SLC7A11: variants seen among roughly 807,000 people sequenced by gnomAD.
The protein encoded by SLC7A11 is cystine/glutamate transporter.
In SLC7A11, 35 loss-of-function variants were observed where a neutral mutation model predicts 54.5. That is an observed-to-expected ratio of 0.64 (90% CI 0.49 to 0.85). The LOEUF (loss-of-function observed/expected upper bound fraction) is 0.85, where lower values mean the gene tolerates loss of function less well. Ranked by LOEUF, SLC7A11 falls within the 40% of genes least tolerant of loss-of-function variation. SLC7A11 has a pLI of 0.00. For missense variants in SLC7A11, 583 were observed against 618.1 expected, an observed-to-expected ratio of 0.94 and a Z score of 0.60; for synonymous variants, 230 against 225.2, an observed-to-expected ratio of 1.02 and a Z score of -0.19.
In SLC7A11 at chr4:138,179,315, C is replaced by T; in HGVS notation, c.1346G>A (p.Ser449Asn). Reference protein sequence around the residue: ...VALSLYSDPFSTGIGFVITLT... With the variant: ...VALSLYSDPFNTGIGFVITLT... ...AGTGATGACGAAGCCAATCCCTGTA[C>T]TAAATGGGTCCGAATAGAGGGAAAG... The change falls in exon 11 of 12, where the codon AGT (serine) becomes AAT (asparagine). Residue 449 changes from serine to asparagine, a missense_variant. Coordinates refer to ENST00000280612, the MANE Select transcript of SLC7A11 (RefSeq NM_014331.4). 6.2e-7 allele frequency: 1 copy of T among 1,612,580 alleles called. No individual in the cohort carries two copies. The highest frequency in any genetic ancestry group is 2.2e-5 in the East Asian group (1 of 44,780).
intron 3 of SLC7A11, among the ~76,000 whole-genome samples, chr4:138,226,293 G>T (rs187280554): frequency 8.0e-4 from 121 of 152,200 alleles, no homozygotes; most frequent in African/African-American, 2.6e-3. Flanking sequence ...CAATCCCATT[G>T]CTGGGTACTT....
chr4:138,165,252 G>A lies in SLC7A11; in HGVS notation c.*6704C>T, dbSNP rs1395674308. 1.3e-5 allele frequency: 2 copies of A among 152,534 alleles called. No homozygotes were observed. The highest frequency in any genetic ancestry group is 3.8e-4 in the East Asian group (2 of 5,196). 9.4% of individuals were successfully genotyped at this position (152,534 alleles called of 1,614,324 possible). On this transcript the variant is annotated 3_prime_UTR_variant, in exon 12 of 12. Coordinates refer to ENST00000280612, the MANE Select transcript of SLC7A11 (RefSeq NM_014331.4). ...AGATTCATCCTGAGATGAATTCTGAGTCAATAACTAAAAACCATTTCTACC... is the reference window on the plus strand; with the variant it reads ...AGATTCATCCTGAGATGAATTCTGAATCAATAACTAAAAACCATTTCTACC...
In SLC7A11 at chr4:138,167,109, A is replaced by G. The variant is rs1023498807; in HGVS notation, c.*4847T>C. The G allele has an allele frequency of 2.0e-5, 3 of 150,904 alleles. No homozygotes were observed. The highest frequency in any genetic ancestry group is 4.4e-5 in the Non-Finnish European group (3 of 67,698). The allele number at this position is 150,904 out of a possible 1,614,324, so 9.3% of individuals were successfully genotyped here. ...AGTACTAATAAACTAAGGATGACCT[A>G]GAGAGCATACCTTTAGCTATTATTT... On this transcript the variant is annotated 3_prime_UTR_variant, in exon 12 of 12. Coordinates refer to ENST00000280612, the MANE Select transcript of SLC7A11 (RefSeq NM_014331.4).
chr4:138,228,828 A>T (rs1180649175), intron 3 of SLC7A11, among the ~76,000 whole-genome samples: 1 of 151,722 alleles, frequency 6.6e-6, no homozygotes, highest in Non-Finnish European at 1.5e-5. Context: ...AGAGCAGCCA[A>T]ATGCAAATCT....
At position 138,179,266 on chromosome 4, in the gene SLC7A11, A is replaced by G. The variant is rs565105913; in HGVS notation, c.1395T>C (p.Tyr465=). Residue 465 remains tyrosine (Y), a synonymous_variant, in exon 11 of 12, where the codon TAT becomes TAC. Coordinates refer to ENST00000280612, the MANE Select transcript of SLC7A11 (RefSeq NM_014331.4). ...GTTTCTTGTCCCATATAATAAAGAG[A>G]TAATACGCAGGGACTCCAGTCAGAG... ...VITLTGVPAY[Y]LFIIWDKKPR... is the part of the protein sequence containing the mutation. 82 of 1,612,422 alleles carry G rather than the reference A, an allele frequency of 5.1e-5. No homozygotes were observed. The highest frequency in any genetic ancestry group is 3.3e-4 in the Middle Eastern group (2 of 6,062).
intron 6 of SLC7A11, among the ~76,000 whole-genome samples, chr4:138,201,445 T>G (rs1321901007): frequency 6.6e-6 from 1 of 152,064 alleles, no homozygotes; most frequent in Non-Finnish European, 1.5e-5. Flanking sequence ...AGGAAAACCA[T>G]GTGATTTAAA....
intron 6 of SLC7A11, among the ~76,000 whole-genome samples, chr4:138,196,320 T>A (rs1737130442): frequency 6.6e-6 from 1 of 152,072 alleles, no homozygotes; most frequent in Non-Finnish European, 1.5e-5. Flanking sequence ...ACAAACAGGG[T>A]GTGAGTGCCA....
chr4:138,237,724 TATATATATATA>T (rs1738257735), intron 1 of SLC7A11, among the ~76,000 whole-genome samples: 2 of 10,410 alleles, frequency 1.9e-4, no homozygotes, highest in Non-Finnish European at 3.7e-4. Context: ...TATATATATA[TATATATATATA>T]TATTTTTTTT....
chr4:138,194,505 C>T (rs6843843), intron 6 of SLC7A11, among the ~76,000 whole-genome samples: 6 of 152,134 alleles, frequency 3.9e-5, no homozygotes, highest in Non-Finnish European at 8.8e-5. Context: ...CTCAGGGACT[C>T]TCTGCCCAAG....
intron 11 of SLC7A11, chr4:138,174,847 G>C (rs576432187): frequency 3.9e-5 from 6 of 152,238 alleles, no homozygotes; most frequent in African/African-American, 1.4e-4. Context: ...TTCATGTTCA[G>C]TAGTTATTCT....
At chr4:138,212,151 T>G (rs962229946) in intron 6 of SLC7A11, among the ~76,000 whole-genome samples, 1 of 151,900 alleles carries the variant, frequency 6.6e-6, no homozygotes, top group Non-Finnish European at 1.5e-5. Flanking sequence ...AGATATTTTA[T>G]GGATCAAGAA....
chr4:138,173,198 A>C (rs1028946866), intron 11 of SLC7A11, among the ~76,000 whole-genome samples: 1 of 152,122 alleles, frequency 6.6e-6, no homozygotes. Context: ...ATGTCCTGCT[A>C]GTCCTGGAGC....
In SLC7A11 at chr4:138,168,603, C is replaced by A. The variant is rs555644402; in HGVS notation, c.*3353G>T. The A allele has an allele frequency of 7.9e-5, 12 of 152,176 alleles. No individual in the cohort carries two copies. Among genetic ancestry groups the A allele is most frequent in the South Asian group, 2.1e-4 (1 of 4,836 alleles). The allele number at this position is 152,176 out of a possible 1,614,324, so 9.4% of individuals were successfully genotyped here. A position where few individuals can be genotyped will look rare whatever the true frequency, so the allele number is the denominator to read the frequency against. On this transcript the variant is annotated 3_prime_UTR_variant, in exon 12 of 12. Coordinates refer to ENST00000280612, the MANE Select transcript of SLC7A11 (RefSeq NM_014331.4). ...AATTGTAATTGGGGAAACAATTTTA[C>A]CAGACACATAAGACGAACAGGAAAT...
At chr4:138,191,429 T>C (rs1263085333) in intron 6 of SLC7A11, among the ~76,000 whole-genome samples, 1 of 152,054 alleles carries the variant, frequency 6.6e-6, no homozygotes, top group Non-Finnish European at 1.5e-5. Flanking sequence ...TAGGGAGATG[T>C]AAGAAATGAA....
chr4:138,225,923 G>GGA (rs1330212512), intron 3 of SLC7A11, among the ~76,000 whole-genome samples: 1 of 151,674 alleles, frequency 6.6e-6, no homozygotes, highest in African/African-American at 2.4e-5. Context: ...GAGGAAGGAA[G>GGA]GAGAGAGAGA....
chr4:138,237,744 T>TA (rs1738271043), intron 1 of SLC7A11, among the ~76,000 whole-genome samples: 1 of 20,712 alleles, frequency 4.8e-5, no homozygotes, highest in African/African-American at 1.6e-4. Context: ...TATATTTTTT[T>TA]TTTTTTTTTT....
intron 6 of SLC7A11, among the ~76,000 whole-genome samples, chr4:138,207,185 A>G (rs1737430008): frequency 6.6e-6 from 1 of 152,056 alleles, no homozygotes; most frequent in Admixed American, 6.6e-5. Context: ...TATCTTAAAA[A>G]CATATAACTT....
At chr4:138,193,337 C>T (rs1324295254) in intron 6 of SLC7A11, among the ~76,000 whole-genome samples, 2 of 152,158 alleles carry the variant, frequency 1.3e-5, no homozygotes, top group African/African-American at 4.8e-5. Context: ...CCTGTTCTCA[C>T]TCATTTCAAC....
chr4:138,208,001 C>A (rs35509920), intron 6 of SLC7A11, among the ~76,000 whole-genome samples: 36,098 of 151,966 alleles, frequency 0.24, 4,918 homozygotes, highest in East Asian at 0.55. Flanking sequence ...ATGCAAATAA[C>A]ATGATTGTGG....
Sources: gnomAD v4.1 joint callset for allele counts (sites outside exome capture counted in the v4.1 genomes callset) on GRCh38, gnomAD v4.1.1 for gene constraint, MANE v1.5 for transcripts, NCBI Gene and HGNC (gene_info 2026-07-23, HGNC 2026-07-21) for gene names.